PDS5A: variants seen among roughly 807,000 people sequenced by gnomAD.
The protein encoded by PDS5A is PDS5 cohesin associated factor A, also known as sister chromatid cohesion protein PDS5 homolog A.
Under a neutral mutation model 167.1 loss-of-function variants are expected in PDS5A, and 42 were observed. The observed-to-expected ratio is 0.25, with a 90% CI of 0.20 to 0.33. PDS5A has a LOEUF of 0.33. Ranked by LOEUF, PDS5A falls within the 10% of genes least tolerant of loss-of-function variation. The pLI, the probability that PDS5A is intolerant of heterozygous loss-of-function variation, is 1.00. For missense variants in PDS5A, 1,033 were observed against 1,605.9 expected, an observed-to-expected ratio of 0.64 and a Z score of 6.10; for synonymous variants, 553 against 554.6, an observed-to-expected ratio of 1.00 and a Z score of 0.04.
chr4:39,944,452 G>A lies in PDS5A; in HGVS notation c.139-16288C>T, dbSNP rs1207937936. Among the ~76,000 whole-genome samples, 5 of 151,940 alleles carry A rather than the reference G, an allele frequency of 3.3e-5. No individual in the cohort carries two copies. In the East Asian group the frequency reaches 7.7e-4, roughly 24 times the overall value. On this transcript the variant is annotated intron_variant, in intron 2 of 32. Transcript: ENST00000303538. Reference sequence around the variant, plus strand: ...CTCACACCTGTAATCCCAGCACTCCGGGAGGCCGAGGTGGGCGGATACCTG... The same window carrying A: ...CTCACACCTGTAATCCCAGCACTCCAGGAGGCCGAGGTGGGCGGATACCTG...
intron 25 of PDS5A, 121 bp downstream of exon 25, chr4:39,862,748 T>G: frequency 1.6e-6 from 1 of 642,920 alleles, no homozygotes; most frequent in South Asian, 2.0e-5. Context: ...AATGACAGCA[T>G]TCTATAAAAC....
At chr4:39,880,419 G>A (rs1560449909) in intron 17 of PDS5A, among the ~76,000 whole-genome samples, 1 of 151,954 alleles carries the variant, frequency 6.6e-6, no homozygotes, top group Non-Finnish European at 1.5e-5. Context: ...AATATTATCT[G>A]GTCAATAAAA....
At chr4:39,889,749 T>G (rs116586864) in intron 17 of PDS5A, among the ~76,000 whole-genome samples, 4 of 152,220 alleles carry the variant, frequency 2.6e-5, no homozygotes, top group African/African-American at 9.6e-5. Flanking sequence ...CATATTAAAG[T>G]TGAAAATAAA....
chr4:39,910,247 T>C lies in PDS5A; in HGVS notation c.1084A>G (p.Thr362Ala). ...MNHPDLAKDL[T>A]EYLKVRSHDP... is the part of the protein sequence containing the mutation. The stretch of plus-strand genomic sequence containing the variant: ...TGTAATAAACCAGCTAGCTTACCTG[T>C]GAGATCCTTCGCTAAATCTGGGTGA... Residue 362 changes from threonine (T) to alanine (A), a missense_variant, in exon 10 of 33, where the codon ACA becomes GCA. Thr to Ala is a moderately conservative substitution (Grantham distance 58, BLOSUM62 0). Coordinates refer to ENST00000303538, the MANE Select transcript of PDS5A (RefSeq NM_001100399.2). The C allele has an allele frequency of 6.6e-7, 1 of 1,512,728 alleles. No individual in the cohort carries two copies. Among genetic ancestry groups the C allele is most frequent in the Non-Finnish European group, 9.1e-7 (1 of 1,094,364 alleles). The allele number at this position is 1,512,728 out of a possible 1,614,324, so 93.7% of individuals were successfully genotyped here. A position where few individuals can be genotyped will look rare whatever the true frequency, so the allele number is the denominator to read the frequency against.
chr4:39,834,657 T>C (rs1489027511), intron 32 of PDS5A, among the ~76,000 whole-genome samples: 2 of 152,216 alleles, frequency 1.3e-5, no homozygotes, highest in Non-Finnish European at 2.9e-5. Context: ...TCTTTGGGGA[T>C]GGACTAAATG....
At chr4:39,890,505 C>T in intron 16 of PDS5A, 141 bp from the exon 17 acceptor site, 1 of 555,942 alleles carries the variant, frequency 1.8e-6, no homozygotes, top group East Asian at 2.9e-5. Context: ...AAAATTTTTA[C>T]ACCCCGAGCA....
At chr4:39,944,472 T>C (rs1727555027) in intron 2 of PDS5A, among the ~76,000 whole-genome samples, 2 of 151,964 alleles carry the variant, frequency 1.3e-5, no homozygotes, top group South Asian at 2.1e-4. Flanking sequence ...GGTGGGCGGA[T>C]ACCTGAGGTC....
intron 32 of PDS5A, 124 bp downstream of exon 32, chr4:39,837,732 A>T (rs962816412): frequency 3.0e-6 from 2 of 673,190 alleles, no homozygotes; most frequent in Non-Finnish European, 4.9e-6. Flanking sequence ...AAACGGACCC[A>T]GGAAAACCAG....
chr4:39,877,023 T>C lies in PDS5A; in HGVS notation c.2123A>G (p.Lys708Arg), dbSNP rs371617095. 2.0e-5 allele frequency: 32 copies of C among 1,612,472 alleles called. No individual in the cohort carries two copies. The highest frequency in any genetic ancestry group is 2.3e-5 in the Non-Finnish European group (27 of 1,179,000). The change falls in exon 19 of 33, where the codon AAA becomes AGA. Residue 708 changes from lysine to arginine, a missense_variant. By Grantham distance (26) the Lys-to-Arg change is conservative. Around this residue, in one of 4 missense-constraint regions of PDS5A, gnomAD observed 367 missense variants for 686.7 expected, o/e 0.53. Transcript: ENST00000303538. Reference protein sequence around the residue: ...AIQIFRNTGHKIETDLPQIRS... With the variant: ...AIQIFRNTGHRIETDLPQIRS... ...TATCTGGGGAAGGTCTGTTTCTATT[T>C]TGTGACCTGTATTTCTAAAAATTTG... is the stretch of plus-strand genomic sequence containing the variant.
chr4:39,875,279 GACAA>G lies in PDS5A; in HGVS notation c.2154-871_2154-868del, dbSNP rs759154533. On this transcript the variant is annotated intron_variant, in intron 19 of 32. Transcript: ENST00000303538. ...TGCATATATGAACTTATAAAAAATA[GACAA>G]ACACATCTAGTAGATGAACATTCAT... 7.7e-4 allele frequency among the ~76,000 whole-genome samples: 117 copies of G among 152,140 alleles called. 1 individual carries two copies. The highest frequency in any genetic ancestry group is 3.4e-3 in the Middle Eastern group (1 of 294).
intron 2 of PDS5A, among the ~76,000 whole-genome samples, chr4:39,970,847 G>C (rs1174200674): frequency 2.2e-5 from 3 of 139,258 alleles, no homozygotes. Context: ...ACCCAGGCTG[G>C]AGTGCAGTGG....
intron 17 of PDS5A, among the ~76,000 whole-genome samples, chr4:39,889,174 C>T (rs1483207601): frequency 1.3e-5 from 2 of 152,040 alleles, no homozygotes; most frequent in African/African-American, 4.8e-5. Context: ...GACTATTGTT[C>T]CTGCAAGAGA....
chr4:39,930,258 T>TG (rs1725932989), intron 2 of PDS5A, among the ~76,000 whole-genome samples: 1 of 129,982 alleles, frequency 7.7e-6, no homozygotes, highest in Admixed American at 8.0e-5. Flanking sequence ...TTTTTTTGTT[T>TG]TTTGTTTTTT....
intron 2 of PDS5A, among the ~76,000 whole-genome samples, chr4:39,942,153 T>C (rs1396354015): frequency 6.6e-6 from 1 of 152,080 alleles, no homozygotes; most frequent in Non-Finnish European, 1.5e-5. Flanking sequence ...TAATCAATTT[T>C]ATAATTTTGT....
At chr4:39,947,593 A>C (rs901105522) in intron 2 of PDS5A, among the ~76,000 whole-genome samples, 7 of 152,214 alleles carry the variant, frequency 4.6e-5, no homozygotes, top group African/African-American at 1.7e-4. Flanking sequence ...CACTAACACT[A>C]ATGATAGCTA....
intron 16 of PDS5A, among the ~76,000 whole-genome samples, chr4:39,897,734 C>G (rs899263969): frequency 1.3e-5 from 2 of 151,842 alleles, no homozygotes; most frequent in South Asian, 4.2e-4. Flanking sequence ...GGTGTGGATG[C>G]GTGTGCCAAT....
intron 2 of PDS5A, among the ~76,000 whole-genome samples, chr4:39,943,112 A>C (rs2623795): frequency 0.25 from 36,868 of 148,452 alleles, 4,962 homozygotes; most frequent in East Asian, 0.44. Context: ...ATTTGGCAAA[A>C]ACTATGCAAA....
chr4:39,971,136 C>T lies in PDS5A; in HGVS notation c.138+5304G>A, dbSNP rs563137693. Among the ~76,000 whole-genome samples the T allele has an allele frequency of 4.7e-5, 7 of 149,654 alleles. No individual in the cohort carries two copies. The South Asian group carries it at 1.5e-3, about 31-fold the overall frequency. ...ACACCGCTGAATTCCTTTGTAATTG[C>T]CTTTAAGATGTTTTTTGTTTTGTTT... On this transcript the variant is annotated intron_variant, in intron 2 of 32. Transcript: ENST00000303538.
intron 20 of PDS5A, among the ~76,000 whole-genome samples, chr4:39,873,823 C>T (rs1206722307): frequency 2.0e-5 from 3 of 152,164 alleles, no homozygotes; most frequent in East Asian, 1.9e-4. Context: ...GTGGGTGGAT[C>T]GCTTCAGTCC....
Sources: gnomAD v4.1 joint callset for allele counts (sites outside exome capture counted in the v4.1 genomes callset) on GRCh38, gnomAD v4.1.1 for gene constraint, gnomAD v4.1.1 regional missense constraint, MANE v1.5 for transcripts, NCBI Gene and HGNC (gene_info 2026-07-23, HGNC 2026-07-21) for gene names.